WNT7B: variants seen among roughly 807,000 people sequenced by gnomAD.
The protein encoded by WNT7B is protein Wnt-7b.
Under a neutral mutation model 38.2 loss-of-function variants are expected in WNT7B, and 19 were observed. The ratio of observed to expected loss-of-function variants is 0.50; its 90% CI spans 0.35 to 0.73. The LOEUF is 0.73. WNT7B is among the 30% of genes least tolerant of loss of function. WNT7B has a pLI of 0.01. For missense variants in WNT7B, 423 were observed against 507.9 expected (o/e 0.83, Z 1.61); for synonymous variants, 243 against 209.3 (o/e 1.16, Z -1.39).
intron 2 of WNT7B, among the ~76,000 whole-genome samples, chr22:45,934,054 C>T (rs1362192778): frequency 1.3e-5 from 2 of 152,268 alleles, no homozygotes; most frequent in Non-Finnish European, 2.9e-5. Flanking sequence ...GGCGCACACC[C>T]AGCCCTCACA....
At chr22:45,954,493 T>C (rs922125418) in intron 1 of WNT7B, among the ~76,000 whole-genome samples, 6 of 152,322 alleles carry the variant, frequency 3.9e-5, no homozygotes, top group Admixed American at 2.6e-4. Context: ...TAGGACCCAA[T>C]TGAAGGGGAT....
intron 2 of WNT7B, among the ~76,000 whole-genome samples, chr22:45,939,535 T>G (rs886696881): frequency 3.3e-5 from 5 of 152,148 alleles, no homozygotes; most frequent in South Asian, 2.1e-4. Flanking sequence ...GGCTCACGCC[T>G]GTAGTCCCAA....
chr22:45,959,512 TGC>T (rs1222619452), intron 1 of WNT7B, among the ~76,000 whole-genome samples: 1 of 152,050 alleles, frequency 6.6e-6, no homozygotes, highest in Non-Finnish European at 1.5e-5. Context: ...AAGTCGGCTG[TGC>T]TATGACAAAG....
At position 45,950,134 on chromosome 22, in the gene WNT7B, G is replaced by A. The variant is rs775722237; in HGVS notation, c.84C>T (p.Ser28=). The change falls in exon 2 of 4, where the codon TCC becomes TCT. Residue 28 remains serine, a synonymous_variant. Transcript: ENST00000339464. ...VLYVKLGALS[S]VVALGANIIC... ...TGATGTTGGCTCCCAGGGCCACCAC[G>A]GATGACAGTGCTCTGTGGAGGGGAG... 4.3e-6 allele frequency: 7 copies of A among 1,613,748 alleles called. No individual in the cohort carries two copies. Among genetic ancestry groups the A allele is most frequent in the Admixed American group, 3.3e-5 (2 of 60,014 alleles).
chr22:45,943,047 CATGCATGTGTGTGCAGT>C (rs1569117002), intron 2 of WNT7B, among the ~76,000 whole-genome samples: 1 of 138,492 alleles, frequency 7.2e-6, no homozygotes, highest in Non-Finnish European at 1.5e-5. Context: ...GTGTGTGCAG[CATGCATGTGTGTGCAGT>C]GTGCACATGT....
chr22:45,925,302 G>A (rs1931049760), intron 3 of WNT7B: 1 of 985,322 alleles, frequency 1.0e-6, no homozygotes, highest in African/African-American at 1.7e-5. Context: ...GCCTGGAGCT[G>A]GGGTGTTTTC....
intron 2 of WNT7B, among the ~76,000 whole-genome samples, chr22:45,938,034 C>T (rs2048458439): frequency 6.6e-6 from 1 of 152,012 alleles, no homozygotes; most frequent in Admixed American, 6.6e-5. Flanking sequence ...TTTTCTACAA[C>T]TCAATAATAA....
chr22:45,945,723 C>T (rs956133619), intron 2 of WNT7B, among the ~76,000 whole-genome samples: 1 of 152,246 alleles, frequency 6.6e-6, no homozygotes, highest in Non-Finnish European at 1.5e-5. Context: ...ACCACACGAC[C>T]CCTGGCCTCT....
At chr22:45,945,471 G>A (rs1056250228) in intron 2 of WNT7B, among the ~76,000 whole-genome samples, 1 of 152,246 alleles carries the variant, frequency 6.6e-6, no homozygotes, top group Non-Finnish European at 1.5e-5. Flanking sequence ...TTATTCAAGA[G>A]ATACTGTATT....
At chr22:45,928,846 T>A (rs1391567342) in intron 3 of WNT7B, among the ~76,000 whole-genome samples, 2 of 145,034 alleles carry the variant, frequency 1.4e-5, no homozygotes, top group Non-Finnish European at 3.1e-5. Context: ...CTGGCCCTGG[T>A]TTCCCCATAC....
Position 45,965,396 on chromosome 22 carries a change from T to A in WNT7B, c.71+11288A>T, listed in dbSNP as rs1485209870. 6.6e-6 allele frequency among the ~76,000 whole-genome samples: 1 copy of A among 152,094 alleles called. No homozygotes were observed. Among genetic ancestry groups the A allele is most frequent in the Non-Finnish European group, 1.5e-5 (1 of 68,008 alleles). ...CACCTGCACACCTGGCCAGCCCTGA[T>A]AACCCACCCGCGGGGGCTGCCGTCA... On this transcript the variant is annotated intron_variant, in intron 1 of 3. Coordinates refer to ENST00000339464, the MANE Select transcript of WNT7B (RefSeq NM_058238.3). This position sits in a 1 kb window ranked among gnomAD's most constrained non-coding sequence, Gnocchi z 6.5.
At chr22:45,944,593 G>T (rs1007761447) in intron 2 of WNT7B, among the ~76,000 whole-genome samples, 2 of 152,242 alleles carry the variant, frequency 1.3e-5, no homozygotes, top group African/African-American at 4.8e-5. Flanking sequence ...TGAGATGAGG[G>T]TGGAGGTGGG....
chr22:45,975,656 C>T lies in WNT7B; in HGVS notation c.71+1028G>A, dbSNP rs1431632887. On this transcript the variant is annotated intron_variant, in intron 1 of 3. Coordinates refer to ENST00000339464, the MANE Select transcript of WNT7B (RefSeq NM_058238.3). This position sits in a 1 kb window ranked among gnomAD's most constrained non-coding sequence, Gnocchi z 6.6. ...GCGTCTCCCACCAGTGGTACCTGCA[C>T]CTGCCCCTCCCGCGGGTCTGTTCAC... 1.4e-6 allele frequency: 1 copy of T among 699,482 alleles called. No homozygotes were observed. Among genetic ancestry groups the T allele is most frequent in the Non-Finnish European group, 2.7e-6 (1 of 374,902 alleles). The allele number at this position is 699,482 out of a possible 1,614,324, so 43.3% of individuals were successfully genotyped here.
intron 1 of WNT7B, chr22:45,972,374 G>A: frequency 9.1e-6 from 3 of 328,262 alleles, no homozygotes; most frequent in Non-Finnish European, 1.7e-5. Flanking sequence ...TCGTGGGCCC[G>A]GGCGCAGTTG....
chr22:45,938,568 G>T (rs1601723816), intron 2 of WNT7B, among the ~76,000 whole-genome samples: 1 of 151,978 alleles, frequency 6.6e-6, no homozygotes, highest in South Asian at 2.1e-4. Flanking sequence ...ACCTGGGAGA[G>T]GGGAGGTTGC....
In WNT7B at chr22:45,976,459, C is replaced by G. The variant is rs950403302; in HGVS notation, c.71+225G>C. The stretch of plus-strand genomic sequence containing the variant: ...GCCCGGCCGGACCGCCCGCGCGCCC[C>G]GCTCTCTCTCCTCCCGCGCTGGGCT... On this transcript the variant is annotated intron_variant, in intron 1 of 3. Transcript: ENST00000339464. The surrounding 1 kb of genome is among the most constrained non-coding windows in gnomAD (Gnocchi z 8.5). Among the ~76,000 whole-genome samples the G allele has an allele frequency of 2.6e-5, 4 of 151,962 alleles. No individual in the cohort carries two copies. Among genetic ancestry groups the G allele is most frequent in the Middle Eastern group, 3.2e-3 (1 of 312 alleles).
At chr22:45,973,505 C>G (rs763237624) in intron 1 of WNT7B, among the ~76,000 whole-genome samples, 1 of 152,192 alleles carries the variant, frequency 6.6e-6, no homozygotes, top group African/African-American at 2.4e-5. Context: ...CCAGGGCTCT[C>G]GGGCCCCTCT....
At chr22:45,937,035 G>A (rs1931530705) in intron 2 of WNT7B, among the ~76,000 whole-genome samples, 2 of 152,172 alleles carry the variant, frequency 1.3e-5, no homozygotes, top group Non-Finnish European at 2.9e-5. Flanking sequence ...TTAACTGCAC[G>A]GAGGAGGAGG....
chr22:45,932,399 C>A (rs1931392440), intron 2 of WNT7B, among the ~76,000 whole-genome samples: 1 of 150,098 alleles, frequency 6.7e-6, no homozygotes, highest in African/African-American at 2.5e-5. Flanking sequence ...GCCTCCCTGT[C>A]CAGGCAGCCT....
Sources: allele counts gnomAD v4.1 joint callset (sites outside exome capture counted in the v4.1 genomes callset), GRCh38; gene constraint gnomAD v4.1.1; non-coding constraint Gnocchi (gnomAD v3.1); transcripts MANE v1.5; gene names NCBI Gene and HGNC (gene_info 2026-07-23, HGNC 2026-07-21).